ARHGAP21: variants seen among roughly 807,000 people sequenced by gnomAD.
The protein encoded by ARHGAP21 is Rho GTPase activating protein 21, also known as rho GTPase-activating protein 21.
In ARHGAP21, 38 loss-of-function variants were observed where a neutral mutation model predicts 164.6. The observed-to-expected ratio is 0.23, with a 90% CI of 0.18 to 0.30. ARHGAP21 has a LOEUF of 0.30. Ranked by LOEUF, ARHGAP21 falls within the 10% of genes least tolerant of loss-of-function variation. The probability of loss-of-function intolerance (pLI) is 1.00; values close to 1 mark genes in which losing one functional copy is unlikely to be tolerated. For synonymous variants in ARHGAP21, 766 were observed against 857.9 expected, an observed-to-expected ratio of 0.89 and a Z score of 1.87; for missense variants, 1,822 against 2,370.7, an observed-to-expected ratio of 0.77 and a Z score of 4.81.
chr10:24,636,087 G>A (rs1836356501), intron 4 of ARHGAP21, among the ~76,000 whole-genome samples: 1 of 152,152 alleles, frequency 6.6e-6, no homozygotes, highest in Admixed American at 6.5e-5. Flanking sequence ...TAACATCTAA[G>A]GTGTTTGCTA....
chr10:24,641,669 C>A (rs1438208686), intron 4 of ARHGAP21, among the ~76,000 whole-genome samples: 4 of 152,172 alleles, frequency 2.6e-5, no homozygotes, highest in Non-Finnish European at 5.9e-5. Flanking sequence ...ATCATGCTAA[C>A]CTTTCTTTCA....
chr10:24,712,952 GGGTATTACAGA>G (rs1844980413), intron 2 of ARHGAP21, among the ~76,000 whole-genome samples: 1 of 151,642 alleles, frequency 6.6e-6, no homozygotes, highest in South Asian at 2.1e-4. Context: ...GGCAAATACT[GGGTATTACAGA>G]GGTATTACCT....
chr10:24,656,062 T>C (rs1396566392), intron 4 of ARHGAP21, among the ~76,000 whole-genome samples: 228 of 111,352 alleles, frequency 2.0e-3, no homozygotes, highest in African/African-American at 4.2e-3. Context: ...GCCCGGCAGC[T>C]GCCCCGTCTA....
intron 2 of ARHGAP21, among the ~76,000 whole-genome samples, chr10:24,713,085 T>G (rs1844996201): frequency 6.6e-6 from 1 of 152,176 alleles, no homozygotes; most frequent in African/African-American, 2.4e-5. Context: ...TCTACTGATA[T>G]TCAAGGACAG....
At chr10:24,678,127 G>A (rs1565149748) in intron 2 of ARHGAP21, among the ~76,000 whole-genome samples, 1 of 151,754 alleles carries the variant, frequency 6.6e-6, no homozygotes, top group Non-Finnish European at 1.5e-5. Context: ...GAGAGAGAGA[G>A]GAAAAGAAAG....
At chr10:24,597,758 C>T (rs906845934) in intron 15 of ARHGAP21, among the ~76,000 whole-genome samples, 175 bp from the exon 16 acceptor site, 3 of 152,106 alleles carry the variant, frequency 2.0e-5, no homozygotes, top group East Asian at 1.9e-4. Flanking sequence ...CCTTTCATCC[C>T]GAGTAGCCAC....
chr10:24,721,738 G>A (rs1353293331), intron 2 of ARHGAP21, 99 bp downstream of exon 2: 1 of 1,372,546 alleles, frequency 7.3e-7, no homozygotes, highest in Non-Finnish European at 1.0e-6. Context: ...GCCCCGGGAA[G>A]CCCCTAGTGA....
intron 4 of ARHGAP21, among the ~76,000 whole-genome samples, chr10:24,637,832 T>TGTAAAA (rs1836537161): frequency 6.6e-6 from 1 of 152,036 alleles, no homozygotes; most frequent in Non-Finnish European, 1.5e-5. Context: ...CACTGTTACA[T>TGTAAAA]CTGCTGAGAG....
rs1166249007 is a variant in ARHGAP21 at position 24,628,982 on chromosome 10, A to ATT, written c.495+1012_495+1013dup. 2.0e-3 allele frequency: 23 copies of ATT among 11,632 alleles called. 4 individuals are homozygous for ATT. The highest frequency in any genetic ancestry group is 2.8e-3 in the East Asian group (1 of 356). 0.7% of individuals were successfully genotyped at this position (11,632 alleles called of 1,614,324 possible). The stretch of plus-strand genomic sequence containing the variant: ...TATATATATATATATATATATATAT[A>ATT]TTTTTTTTTTTTTTTTTTTTTTTTT... On this transcript the variant is annotated intron_variant, in intron 7 of 25. Coordinates refer to ENST00000396432, the MANE Select transcript of ARHGAP21 (RefSeq NM_020824.4).
chr10:24,621,467 T>G, intron 8 of ARHGAP21, 98 bp from the exon 9 acceptor site: 1 of 1,116,544 alleles, frequency 9.0e-7, no homozygotes, highest in South Asian at 1.7e-5. Flanking sequence ...CCTACCTCGT[T>G]CCTGAGTGAC....
chr10:24,594,974 C>T lies in ARHGAP21; in HGVS notation c.3852G>A (p.Val1284=), dbSNP rs746039399. The change falls in exon 21 of 26, where the codon GTG becomes GTA. Residue 1284 remains valine (V), a synonymous_variant. Coordinates refer to ENST00000396432, the MANE Select transcript of ARHGAP21 (RefSeq NM_020824.4). The part of the protein sequence containing the change: ...LKFLSAHLKT[V]AENSEKNKME... ...CCTTATTTTTTTCTGAATTTTCTGC[C>T]ACTGTCTTCAGATGAGCTGAAAGGA... 1 of 1,611,360 alleles carries T rather than the reference C, an allele frequency of 6.2e-7. No homozygotes were observed. Among genetic ancestry groups the T allele is most frequent in the South Asian group, 1.1e-5 (1 of 90,674 alleles).
intron 2 of ARHGAP21, among the ~76,000 whole-genome samples, chr10:24,705,562 G>A (rs756506272): frequency 3.9e-5 from 6 of 152,190 alleles, no homozygotes; most frequent in African/African-American, 1.2e-4. Context: ...TATCATAAAC[G>A]AAGAAGCTCA....
Position 24,597,656 on chromosome 10 carries a change from G to A in ARHGAP21, c.3198-73C>T. On this transcript the variant is annotated intron_variant, in intron 15 of 25. Coordinates refer to ENST00000396432, the MANE Select transcript of ARHGAP21 (RefSeq NM_020824.4). ...ATCTATGGTTTCAGTTACCCGTGGT[G>A]AGCCATGGTCTGAAAATATTAACTG... 5 of 1,571,194 alleles carry A rather than the reference G, an allele frequency of 3.2e-6. No homozygotes were observed. In the South Asian group the frequency reaches 3.6e-5, roughly 11 times the overall value.
intron 4 of ARHGAP21, among the ~76,000 whole-genome samples, chr10:24,652,415 T>C (rs1414204873): frequency 6.6e-6 from 1 of 152,144 alleles, no homozygotes; most frequent in Non-Finnish European, 1.5e-5. Flanking sequence ...TGCATGACCA[T>C]GGAGTAGAAA....
Position 24,584,641 on chromosome 10 carries a change from A to C in ARHGAP21, c.5648T>G (p.Ile1883Arg), listed in dbSNP as rs1471031780. Residue 1883 changes from isoleucine to arginine, a missense_variant, in exon 26 of 26, where the codon ATA becomes AGA. Physicochemically the swap from Ile to Arg is moderately conservative, Grantham distance 97. Around this residue, in one of 5 missense-constraint regions of ARHGAP21, gnomAD observed 165 missense variants for 176.6 expected, o/e 0.93. Transcript: ENST00000396432. ...AGACAAAGGTGTGTCGGTCGTGGCT[A>C]TTTCTCGTGTGCTTGGGTTCTCTGT... ...PQTENPSTRE[I>R]ATTDTPLSLH... 1.2e-6 allele frequency: 2 copies of C among 1,613,664 alleles called. No individual in the cohort carries two copies. Among genetic ancestry groups the C allele is most frequent in the African/African-American group, 2.7e-5 (2 of 74,852 alleles).
intron 2 of ARHGAP21, among the ~76,000 whole-genome samples, chr10:24,701,510 T>A (rs1843669196): frequency 6.6e-6 from 1 of 152,048 alleles, no homozygotes; most frequent in South Asian, 2.1e-4. Flanking sequence ...GAAGGGAACA[T>A]GTGAATAGAA....
At chr10:24,694,149 G>A (rs184359754) in intron 2 of ARHGAP21, among the ~76,000 whole-genome samples, 2 of 152,282 alleles carry the variant, frequency 1.3e-5, no homozygotes, top group Admixed American at 1.3e-4. Context: ...GCCCCAGAAA[G>A]TACCATTCAA....
chr10:24,697,815 G>A (rs933059774), intron 2 of ARHGAP21, among the ~76,000 whole-genome samples: 5 of 151,936 alleles, frequency 3.3e-5, no homozygotes, highest in South Asian at 2.1e-4. Flanking sequence ...AGCGCAGATC[G>A]CACCACTGCA....
At chr10:24,644,466 G>T (rs897953127) in intron 4 of ARHGAP21, among the ~76,000 whole-genome samples, 19 of 152,070 alleles carry the variant, frequency 1.2e-4, no homozygotes, top group African/African-American at 4.1e-4. Flanking sequence ...CCTTGTCACG[G>T]TTTGCTGCTC....
Sources: gnomAD v4.1 joint callset for allele counts (sites outside exome capture counted in the v4.1 genomes callset) on GRCh38, gnomAD v4.1.1 for gene constraint, gnomAD v4.1.1 regional missense constraint, MANE v1.5 for transcripts, NCBI Gene and HGNC (gene_info 2026-07-23, HGNC 2026-07-21) for gene names.